Variants in ADD2 observed in about 807,000 individuals in gnomAD.
ADD2 encodes adducin 2, also known as beta-adducin.
A neutral mutation model predicts 83.0 loss-of-function variants in ADD2; 23 were observed. The ratio of observed to expected loss-of-function variants is 0.28; its 90% CI spans 0.20 to 0.39. The LOEUF is 0.39. ADD2 is among the 10% of genes least tolerant of loss of function. The pLI, the probability that ADD2 is intolerant of heterozygous loss-of-function variation, is 1.00. For synonymous variants in ADD2, 375 were observed against 375.4 expected (o/e 1.00, Z 0.01); for missense variants, 758 against 944.9 (o/e 0.80, Z 2.59).
intron 1 of ADD2, among the ~76,000 whole-genome samples, chr2:70,738,926 A>AT (rs1185122757): frequency 2.0e-5 from 3 of 152,202 alleles, no homozygotes; most frequent in Admixed American, 1.3e-4. Flanking sequence ...ACCCAAAACT[A>AT]TTAAAAAACC....
Position 70,659,209 on chromosome 2 carries a change from C to T in ADD2, c.*4216G>A, listed in dbSNP as rs1675461132. The T allele has an allele frequency of 1.3e-5, 2 of 149,458 alleles. No homozygotes were observed. Among genetic ancestry groups the T allele is most frequent in the Non-Finnish European group, 3.0e-5 (2 of 67,444 alleles). The allele number at this position is 149,458 out of a possible 1,614,324, so 9.3% of individuals were successfully genotyped here. ...AAAAAACATGTCATGCAGACCTATGCGTAGGCTGTGTGTTTACCCTCCACA... is the reference window on the plus strand; with the variant it reads ...AAAAAACATGTCATGCAGACCTATGTGTAGGCTGTGTGTTTACCCTCCACA... On this transcript the variant is annotated 3_prime_UTR_variant, in exon 16 of 16. Transcript: ENST00000264436.
chr2:70,762,267 C>T (rs1675152654), intron 1 of ADD2, among the ~76,000 whole-genome samples: 1 of 151,748 alleles, frequency 6.6e-6, no homozygotes, highest in African/African-American at 2.4e-5. Flanking sequence ...GAATGAGCAT[C>T]ACACCAGGGA....
chr2:70,692,660 C>T, intron 6 of ADD2, 108 bp from the exon 7 acceptor site: 2 of 1,219,312 alleles, frequency 1.6e-6, no homozygotes, highest in Non-Finnish European at 2.2e-6. Flanking sequence ...TTCACACATT[C>T]CAGACACCAT....
At chr2:70,694,966 A>G (rs531145262) in intron 6 of ADD2, among the ~76,000 whole-genome samples, 1 of 152,022 alleles carries the variant, frequency 6.6e-6, no homozygotes, top group Admixed American at 6.5e-5. Flanking sequence ...GCCTTGTGCA[A>G]GCTGCTTACC....
chr2:70,704,263 T>TGCCCCCCCCCCCCCCCCCCCCCCCAA, intron 4 of ADD2, 58 bp downstream of exon 4: 1 of 913,238 alleles, frequency 1.1e-6, no homozygotes, highest in Non-Finnish European at 1.7e-6. Flanking sequence ...CTCCCTCTCT[T>TGCCCCCCCCCCCCCCCCCCCCCCCAA]CCCCACCCCA....
intron 15 of ADD2, among the ~76,000 whole-genome samples, chr2:70,665,964 C>T (rs555706463): frequency 6.6e-6 from 1 of 152,136 alleles, no homozygotes; most frequent in Non-Finnish European, 1.5e-5. Flanking sequence ...TACAGGTGCC[C>T]ACTACCAAGC....
intron 1 of ADD2, among the ~76,000 whole-genome samples, chr2:70,757,576 T>C (rs1447929474): frequency 1.3e-5 from 2 of 152,054 alleles, no homozygotes; most frequent in African/African-American, 2.4e-5. Flanking sequence ...AAGAGAAATA[T>C]GGTGTTAAGA....
chr2:70,730,159 T>C (rs562248552), intron 1 of ADD2, among the ~76,000 whole-genome samples: 1 of 152,292 alleles, frequency 6.6e-6, no homozygotes, highest in South Asian at 2.1e-4. Flanking sequence ...AGAAAATGAA[T>C]CCTATTTTGC....
At chr2:70,739,025 C>T (rs1201000348) in intron 1 of ADD2, among the ~76,000 whole-genome samples, 1 of 152,122 alleles carries the variant, frequency 6.6e-6, no homozygotes, top group Non-Finnish European at 1.5e-5. Context: ...GCAACAAAAG[C>T]AAAAATTGAC....
chr2:70,724,620 G>A (rs896089836), intron 1 of ADD2, among the ~76,000 whole-genome samples: 2 of 152,210 alleles, frequency 1.3e-5, no homozygotes, highest in African/African-American at 4.8e-5. Flanking sequence ...AGGCCCCCCT[G>A]CCAGGCTCTC....
In ADD2 at chr2:70,657,920, TG is replaced by T. The variant is rs2104110789; in HGVS notation, c.*5504del. 6.6e-6 allele frequency: 1 copy of T among 152,302 alleles called. No individual in the cohort carries two copies. Among genetic ancestry groups the T allele is most frequent in the South Asian group, 2.1e-4 (1 of 4,826 alleles). The allele number at this position is 152,302 out of a possible 1,614,324, so 9.4% of individuals were successfully genotyped here. On this transcript the variant is annotated 3_prime_UTR_variant, in exon 16 of 16. Coordinates refer to ENST00000264436, the MANE Select transcript of ADD2 (RefSeq NM_001617.4). Reference sequence around the variant, plus strand: ...CTGAGCCTCAGACTCCAGCTCTGCCTGAACCCCTTCCCTGCACCAATAATGA... The same window carrying T: ...CTGAGCCTCAGACTCCAGCTCTGCCTAACCCCTTCCCTGCACCAATAATGA...
chr2:70,704,263 T>TCGGCCC, intron 4 of ADD2, 58 bp downstream of exon 4: 1 of 913,238 alleles, frequency 1.1e-6, no homozygotes, highest in Non-Finnish European at 1.7e-6. Flanking sequence ...CTCCCTCTCT[T>TCGGCCC]CCCCACCCCA....
At chr2:70,763,283 G>C (rs1160407555) in intron 1 of ADD2, among the ~76,000 whole-genome samples, 1 of 151,880 alleles carries the variant, frequency 6.6e-6, no homozygotes, top group African/African-American at 2.4e-5. Flanking sequence ...AAGATTTGGT[G>C]GTGGTTGTCA....
chr2:70,668,002 C>A (rs1353827886), intron 15 of ADD2, among the ~76,000 whole-genome samples: 1 of 152,126 alleles, frequency 6.6e-6, no homozygotes, highest in South Asian at 2.1e-4. Flanking sequence ...CTGTTTAGGG[C>A]CCTCTCACAT....
intron 2 of ADD2, among the ~76,000 whole-genome samples, chr2:70,712,560 T>C (rs1317043797): frequency 6.6e-6 from 1 of 152,090 alleles, no homozygotes; most frequent in Non-Finnish European, 1.5e-5. Flanking sequence ...GGTTTGTCTC[T>C]AGCCCCACAT....
chr2:70,692,377 G>T, intron 7 of ADD2, 26 bp downstream of exon 7: 1 of 1,512,042 alleles, frequency 6.6e-7, no homozygotes, highest in Non-Finnish European at 8.9e-7. Flanking sequence ...GTCTTTCCTT[G>T]GGTGGCTGAG....
Position 70,676,143 on chromosome 2 carries a change from A to G in ADD2, c.1593+653T>C. The G allele has an allele frequency of 1.0e-6, 1 of 985,490 alleles. No homozygotes were observed. The highest frequency in any genetic ancestry group is 1.7e-5 in the African/African-American group (1 of 57,368). The allele number at this position is 985,490 out of a possible 1,614,324, so 61.0% of individuals were successfully genotyped here. On this transcript the variant is annotated intron_variant, in intron 13 of 15. Coordinates refer to ENST00000264436, the MANE Select transcript of ADD2 (RefSeq NM_001617.4). This position sits in a 1 kb window ranked among gnomAD's most constrained non-coding sequence, Gnocchi z 4.8. ...TACTGCTAAGGAAAATGTCATGCCC[A>G]TTGCTACCTTGCAAGGAGCAGCAGT...
intron 10 of ADD2, among the ~76,000 whole-genome samples, chr2:70,682,860 G>T (rs1670528379): frequency 6.6e-6 from 1 of 152,106 alleles, no homozygotes; most frequent in African/African-American, 2.4e-5. Flanking sequence ...ATAGGATATT[G>T]TTACAAAGGT....
chr2:70,696,141 G>C (rs1017589312), intron 5 of ADD2, 104 bp downstream of exon 5: 8 of 1,453,432 alleles, frequency 5.5e-6, no homozygotes, highest in Non-Finnish European at 6.5e-6. Context: ...TTTAGCCAAA[G>C]GTCACCAGCA....
Sources: gnomAD v4.1 joint callset for allele counts (sites outside exome capture counted in the v4.1 genomes callset) on GRCh38, gnomAD v4.1.1 for gene constraint, Gnocchi (gnomAD v3.1) non-coding constraint, MANE v1.5 for transcripts, NCBI Gene and HGNC (gene_info 2026-07-23, HGNC 2026-07-21) for gene names.